FNBP1L: variants seen among roughly 807,000 people sequenced by gnomAD.
FNBP1L encodes formin-binding protein 1-like.
In FNBP1L, 36 loss-of-function variants were observed where a neutral mutation model predicts 91.2. The ratio of observed to expected loss-of-function variants is 0.39; its 90% CI spans 0.30 to 0.52. FNBP1L has a LOEUF of 0.52. Ranked by LOEUF, FNBP1L falls within the 20% of genes least tolerant of loss-of-function variation. The pLI is 0.66. For missense variants in FNBP1L, 571 were observed against 732.1 expected (o/e 0.78, Z 2.54); for synonymous variants, 242 against 237.0 (o/e 1.02, Z -0.19).
rs1672491828 is a variant in FNBP1L at position 93,553,748 on chromosome 1, A to G, written c.*1332A>G. 6.6e-6 allele frequency: 1 copy of G among 152,574 alleles called. No individual in the cohort carries two copies. The highest frequency in any genetic ancestry group is 2.4e-5 in the African/African-American group (1 of 41,416). 9.5% of individuals were successfully genotyped at this position (152,574 alleles called of 1,614,324 possible). On this transcript the variant is annotated 3_prime_UTR_variant, in exon 17 of 17. Transcript: ENST00000271234. ...ATTGTTGTTAGTGCTCCTGTTGCTC[A>G]TGGTGTCCTGCCTCGCATTTGTGAT... is the stretch of plus-strand genomic sequence containing the variant.
chr1:93,496,361 C>T (rs1380312374), intron 1 of FNBP1L, among the ~76,000 whole-genome samples: 2 of 151,744 alleles, frequency 1.3e-5, no homozygotes, highest in South Asian at 4.2e-4. Context: ...TCAAGGGATC[C>T]TCCCACCTCC....
chr1:93,470,182 G>T (rs1483432168), intron 1 of FNBP1L, among the ~76,000 whole-genome samples: 1 of 152,078 alleles, frequency 6.6e-6, no homozygotes, highest in Non-Finnish European at 1.5e-5. Flanking sequence ...GCCCAGGCTG[G>T]AGTATAGTGA....
chr1:93,510,513 CAG>C (rs1441382655), intron 2 of FNBP1L, among the ~76,000 whole-genome samples: 1 of 152,150 alleles, frequency 6.6e-6, no homozygotes, highest in Admixed American at 6.5e-5. Context: ...GGGGAAAAAA[CAG>C]AGCAGAAAAA....
intron 1 of FNBP1L, among the ~76,000 whole-genome samples, chr1:93,474,080 A>C (rs1669404636): frequency 6.6e-6 from 1 of 152,148 alleles, no homozygotes; most frequent in Non-Finnish European, 1.5e-5. Flanking sequence ...CGCCATCTCT[A>C]CTAAAAATAC....
intron 14 of FNBP1L, 27 bp downstream of exon 14, chr1:93,547,468 T>C: frequency 6.6e-7 from 1 of 1,525,404 alleles, no homozygotes. Flanking sequence ...TATTTGTATT[T>C]CTTCTCCCCA....
At chr1:93,523,814 A>G (rs1437810206) in intron 4 of FNBP1L, among the ~76,000 whole-genome samples, 1 of 152,220 alleles carries the variant, frequency 6.6e-6, no homozygotes, top group Non-Finnish European at 1.5e-5. Context: ...ATGAAATTTT[A>G]TTTTTAATGT....
In FNBP1L at chr1:93,551,001, A is replaced by T; in HGVS notation, c.1706A>T (p.Glu569Val). The T allele has an allele frequency of 1.2e-6, 2 of 1,612,658 alleles. No individual in the cohort carries two copies. The highest frequency in any genetic ancestry group is 1.7e-6 in the Non-Finnish European group (2 of 1,179,216). Residue 569 changes from glutamate to valine, a missense_variant, in exon 16 of 17, where the codon GAG becomes GTG. By Grantham distance (121) the Glu-to-Val change is moderately radical. Transcript: ENST00000271234. Reference protein sequence around the residue: ...MKEGEVLYIIEEDKGDGWTRA... With the variant: ...MKEGEVLYIIVEDKGDGWTRA... ...GAAGGTGAAGTTCTCTACATTATAG[A>T]GGAGGACAAAGGTGACGGATGGACA...
intron 5 of FNBP1L, among the ~76,000 whole-genome samples, chr1:93,528,950 T>C (rs1671581749): frequency 6.6e-6 from 1 of 152,056 alleles, no homozygotes; most frequent in Admixed American, 6.6e-5. Context: ...TTTACATGGC[T>C]CAGTTGTGAA....
At chr1:93,449,646 C>T (rs1668418756) in intron 1 of FNBP1L, among the ~76,000 whole-genome samples, 1 of 152,154 alleles carries the variant, frequency 6.6e-6, no homozygotes, top group Non-Finnish European at 1.5e-5. Context: ...CAAGTGCTTA[C>T]CCAGTCTGAA....
At chr1:93,448,413 T>G (rs1668343992) in intron 1 of FNBP1L, 108 bp downstream of exon 1, 1 of 1,236,174 alleles carries the variant, frequency 8.1e-7, no homozygotes. Flanking sequence ...CCGTCCTCGG[T>G]CCGGCGCTGG....
Position 93,448,178 on chromosome 1 carries a change from C to T in FNBP1L, c.-104C>T, listed in dbSNP as rs868526140. ...GTGGCGGCACCTTTCGAGGTAGACC[C>T]GCTGAGCTGCTAGCCCGCCGGCCAG... is the stretch of plus-strand genomic sequence containing the variant. On this transcript the variant is annotated 5_prime_UTR_variant, in exon 1 of 17. Coordinates refer to ENST00000271234, the MANE Select transcript of FNBP1L (RefSeq NM_001164473.3). 1.1e-4 allele frequency: 155 copies of T among 1,440,818 alleles called. No individual in the cohort carries two copies. The highest frequency in any genetic ancestry group is 9.0e-4 in the Middle Eastern group (4 of 4,452). The allele number at this position is 1,440,818 out of a possible 1,614,324, so 89.3% of individuals were successfully genotyped here.
intron 11 of FNBP1L, among the ~76,000 whole-genome samples, chr1:93,542,160 C>T (rs1364810245): frequency 2.0e-5 from 3 of 151,758 alleles, no homozygotes; most frequent in South Asian, 2.1e-4. Context: ...TCTGTAATCC[C>T]AGCTATTTGG....
intron 1 of FNBP1L, among the ~76,000 whole-genome samples, chr1:93,461,768 A>G (rs929279922): frequency 5.9e-5 from 9 of 152,238 alleles, no homozygotes; most frequent in Non-Finnish European, 1.0e-4. Flanking sequence ...CAAGGAATTA[A>G]TGATGGCTTT....
At chr1:93,510,267 G>A (rs1156812259) in intron 2 of FNBP1L, among the ~76,000 whole-genome samples, 11 of 152,132 alleles carry the variant, frequency 7.2e-5, no homozygotes, top group South Asian at 6.3e-4. Context: ...ATCTGAGAAC[G>A]GGCAGACTGC....
intron 5 of FNBP1L, among the ~76,000 whole-genome samples, chr1:93,525,353 C>A (rs1052873189): frequency 6.6e-6 from 1 of 152,056 alleles, no homozygotes; most frequent in Non-Finnish European, 1.5e-5. Flanking sequence ...ACTTTGATTA[C>A]ATTTCTACTA....
intron 1 of FNBP1L, among the ~76,000 whole-genome samples, chr1:93,490,818 C>G (rs1270972500): frequency 1.3e-5 from 2 of 152,136 alleles, no homozygotes; most frequent in African/African-American, 4.8e-5. Context: ...TCCATAGTCC[C>G]AAAGTATTTG....
intron 1 of FNBP1L, among the ~76,000 whole-genome samples, chr1:93,497,443 G>T (rs755273574): frequency 2.4e-4 from 37 of 152,130 alleles, no homozygotes; most frequent in Non-Finnish European, 3.7e-4. Flanking sequence ...TGCATTGATG[G>T]TGTCTTTATA....
intron 1 of FNBP1L, among the ~76,000 whole-genome samples, chr1:93,476,860 C>T (rs1669514848): frequency 1.3e-5 from 2 of 152,262 alleles, no homozygotes; most frequent in Non-Finnish European, 2.9e-5. Flanking sequence ...GATAAGGTGA[C>T]CACCATTCAC....
At chr1:93,462,233 A>T (rs980283012) in intron 1 of FNBP1L, among the ~76,000 whole-genome samples, 1 of 152,212 alleles carries the variant, frequency 6.6e-6, no homozygotes, top group Non-Finnish European at 1.5e-5. Flanking sequence ...ATACCAAGCT[A>T]TAAATTTGTC....
Sources: allele counts gnomAD v4.1 joint callset (sites outside exome capture counted in the v4.1 genomes callset), GRCh38; gene constraint gnomAD v4.1.1; transcripts MANE v1.5; gene names NCBI Gene and HGNC (gene_info 2026-07-23, HGNC 2026-07-21).